The following TMCC3 variants were observed in gnomAD, a reference collection of about 807,000 sequenced individuals.
The protein encoded by TMCC3 is transmembrane and coiled-coil domain family 3, also known as transmembrane and coiled-coil domain protein 3.
In TMCC3, 28 loss-of-function variants were observed where a neutral mutation model predicts 40.2. The observed-to-expected ratio is 0.70, with a 90% confidence interval of 0.52 to 0.95. The LOEUF is 0.95. TMCC3 is among the 40% of genes least tolerant of loss of function. TMCC3 has a pLI of 0.00. For synonymous variants in TMCC3, 255 were observed against 248.5 expected, an observed-to-expected ratio of 1.03 and a Z score of -0.25; for missense variants, 554 against 615.2, an observed-to-expected ratio of 0.90 and a Z score of 1.05.
chr12:94,576,606 T>G (rs1274532), intron 3 of TMCC3, among the ~76,000 whole-genome samples: 62,822 of 151,920 alleles, frequency 0.41, 13,359 homozygotes, highest in Non-Finnish European at 0.44. Flanking sequence ...CTCCTGAGTT[T>G]CTGGGACTAC....
chr12:94,610,616 A>G (rs1391833077), intron 1 of TMCC3, among the ~76,000 whole-genome samples: 2 of 152,172 alleles, frequency 1.3e-5, no homozygotes, highest in African/African-American at 4.8e-5. Flanking sequence ...AACAGCATAG[A>G]CATCCATCAA....
intron 1 of TMCC3, among the ~76,000 whole-genome samples, chr12:94,624,595 T>C (rs990808335): frequency 1.3e-5 from 2 of 151,952 alleles, no homozygotes; most frequent in East Asian, 3.9e-4. Context: ...ACGCCTGTAG[T>C]CCCAGCTACT....
At chr12:94,621,857 G>A (rs1425763653) in intron 1 of TMCC3, among the ~76,000 whole-genome samples, 2 of 152,182 alleles carry the variant, frequency 1.3e-5, no homozygotes, top group Non-Finnish European at 2.9e-5. Context: ...GATTAATAAA[G>A]CCTGAACCCA....
At position 94,600,240 on chromosome 12, in the gene TMCC3, G is replaced by GTT. The variant is rs530585319; in HGVS notation, c.79-17704_79-17703dup. Among the ~76,000 whole-genome samples, 293 of 102,068 alleles carry GTT rather than the reference G, an allele frequency of 2.9e-3. 4 individuals are homozygous for GTT. Among genetic ancestry groups the GTT allele is most frequent in the South Asian group, 4.2e-3 (12 of 2,858 alleles). 67.0% of individuals were successfully genotyped at this position (102,068 alleles called of 152,430 possible). On this transcript the variant is annotated intron_variant, in intron 1 of 3. Coordinates refer to ENST00000261226, the MANE Select transcript of TMCC3 (RefSeq NM_020698.4). ...TCTTTAAAACTGTCACCAAATTCTG[G>GTT]TTTTTTTTTTTTTTTTTTTTTGGCT...
At chr12:94,594,147 G>T (rs1017064971) in intron 1 of TMCC3, among the ~76,000 whole-genome samples, 6 of 151,642 alleles carry the variant, frequency 4.0e-5, no homozygotes, top group Non-Finnish European at 7.4e-5. Flanking sequence ...TTTAATATCT[G>T]CCCCTTACCT....
intron 1 of TMCC3, among the ~76,000 whole-genome samples, chr12:94,634,719 A>G (rs1430799573): frequency 6.6e-6 from 1 of 152,262 alleles, no homozygotes; most frequent in Non-Finnish European, 1.5e-5. Flanking sequence ...CAGGTAGGGC[A>G]TAAATGAGCC....
chr12:94,617,022 G>C (rs1414149945), intron 1 of TMCC3, among the ~76,000 whole-genome samples: 1 of 152,180 alleles, frequency 6.6e-6, no homozygotes, highest in Non-Finnish European at 1.5e-5. Context: ...GCTGGATGTA[G>C]GGTGGTCGTG....
chr12:94,567,802 T>C lies in TMCC3; in HGVS notation c.*3633A>G, dbSNP rs1385016490. 1 of 152,228 alleles carries C rather than the reference T, an allele frequency of 6.6e-6. No individual in the cohort carries two copies. Among genetic ancestry groups the C allele is most frequent in the Non-Finnish European group, 1.5e-5 (1 of 68,044 alleles). 9.4% of individuals were successfully genotyped at this position (152,228 alleles called of 1,614,324 possible). ...GTTCATATGAATAAATATATTTAAA[T>C]GTTTTTCCAAACCAATACAACTATA... On this transcript the variant is annotated 3_prime_UTR_variant, in exon 4 of 4. Transcript: ENST00000261226.
intron 1 of TMCC3, among the ~76,000 whole-genome samples, chr12:94,583,396 C>G (rs775031113): frequency 1.3e-5 from 2 of 151,824 alleles, no homozygotes; most frequent in African/African-American, 2.4e-5. Flanking sequence ...CCCAGCTACT[C>G]GGGAGGCTGA....
At chr12:94,648,289 G>A (rs908877096) in intron 1 of TMCC3, among the ~76,000 whole-genome samples, 1 of 151,774 alleles carries the variant, frequency 6.6e-6, no homozygotes, top group African/African-American at 2.4e-5. Flanking sequence ...CCAGGCTGAC[G>A]CGATCTCGGT....
chr12:94,610,570 C>A (rs1181940568), intron 1 of TMCC3, among the ~76,000 whole-genome samples: 1 of 152,186 alleles, frequency 6.6e-6, no homozygotes, highest in Non-Finnish European at 1.5e-5. Flanking sequence ...ACCACCACCA[C>A]CACCACCAAC....
At chr12:94,598,652 C>T (rs1358328537) in intron 1 of TMCC3, 1 of 985,272 alleles carries the variant, frequency 1.0e-6, no homozygotes, top group Admixed American at 6.2e-5. Context: ...GCTAAAGCTC[C>T]AGCAGGTTCT....
At chr12:94,633,965 A>G (rs1242562567) in intron 1 of TMCC3, among the ~76,000 whole-genome samples, 2 of 144,920 alleles carry the variant, frequency 1.4e-5, no homozygotes, top group Non-Finnish European at 3.0e-5. Context: ...TTTTTTTTTG[A>G]GACAGAGTCT....
intron 1 of TMCC3, among the ~76,000 whole-genome samples, chr12:94,592,261 A>G (rs2068681038): frequency 6.6e-6 from 1 of 152,134 alleles, no homozygotes; most frequent in Non-Finnish European, 1.5e-5. Flanking sequence ...CTGAGTCAAT[A>G]GTTTTGCCAT....
intron 1 of TMCC3, 54 bp from the exon 2 acceptor site, chr12:94,582,592 C>T: frequency 6.8e-7 from 1 of 1,467,914 alleles, no homozygotes; most frequent in South Asian, 1.3e-5. Context: ...GAGATAATTA[C>T]TGTGACAGAA....
rs978847866 is a variant in TMCC3 at position 94,569,358 on chromosome 12, TCTGCCTCC to T, written c.*2069_*2076del. The T allele has an allele frequency of 6.6e-6, 1 of 152,474 alleles. No homozygotes were observed. Among genetic ancestry groups the T allele is most frequent in the African/African-American group, 2.4e-5 (1 of 41,456 alleles). The allele number at this position is 152,474 out of a possible 1,614,324, so 9.4% of individuals were successfully genotyped here. A position where few individuals can be genotyped will look rare whatever the true frequency, so the allele number is the denominator to read the frequency against. On this transcript the variant is annotated 3_prime_UTR_variant, in exon 4 of 4. Transcript: ENST00000261226. ...AAGCTAAAGGAAGCACAACATTCTC[TCTGCCTCC>T]CTGCCTTGCACCTGGCCTCCTTATC...
At chr12:94,611,280 G>T (rs1477310383) in intron 1 of TMCC3, among the ~76,000 whole-genome samples, 3 of 152,056 alleles carry the variant, frequency 2.0e-5, no homozygotes, top group African/African-American at 7.2e-5. Context: ...AATTTTATGG[G>T]ACTAAGCTGG....
chr12:94,645,828 G>T (rs534687547), intron 1 of TMCC3, among the ~76,000 whole-genome samples: 2 of 152,210 alleles, frequency 1.3e-5, no homozygotes, highest in East Asian at 3.9e-4. Flanking sequence ...TCCTTTGAGC[G>T]TCATGTTGAC....
Position 94,582,247 on chromosome 12 carries a change from G to A in TMCC3, c.370C>T (p.His124Tyr). The A allele has an allele frequency of 6.2e-7, 1 of 1,614,162 alleles. No homozygotes were observed. Among genetic ancestry groups the A allele is most frequent in the Non-Finnish European group, 8.5e-7 (1 of 1,180,046 alleles). The change falls in exon 2 of 4, where the codon CAC (histidine) becomes TAC (tyrosine). Residue 124 changes from histidine to tyrosine, a missense_variant. Physicochemically the swap from His to Tyr is moderately conservative, Grantham distance 83 (BLOSUM62 2). Transcript: ENST00000261226. Reference protein sequence around the residue: ...VFEKKNQKSAHSIAQLQKKLE... With the variant: ...VFEKKNQKSAYSIAQLQKKLE... ...TTCTTCTGCAGCTGGGCGATGGAGTGAGCTGATTTCTGATTCTTCTTCTCA... is the reference window on the plus strand; with the variant it reads ...TTCTTCTGCAGCTGGGCGATGGAGTAAGCTGATTTCTGATTCTTCTTCTCA...
Sources: allele counts gnomAD v4.1 joint callset (sites outside exome capture counted in the v4.1 genomes callset), GRCh38; gene constraint gnomAD v4.1.1; transcripts MANE v1.5; gene names NCBI Gene and HGNC (gene_info 2026-07-23, HGNC 2026-07-21).